Variants in CFAP36 observed in about 807,000 individuals in gnomAD.
The protein encoded by CFAP36 is cilia and flagella associated protein 36, also known as cilia- and flagella-associated protein 36.
CFAP36 carries 37 observed loss-of-function variants against 50.5 expected under a neutral mutation model. The observed-to-expected ratio is 0.73, with a 90% CI of 0.56 to 0.96. The LOEUF is 0.96. Among genes scored for constraint, CFAP36 ranks in the 50% least tolerant of loss-of-function variants. The pLI is 0.00. For synonymous variants in CFAP36, 138 were observed against 128.2 expected, an observed-to-expected ratio of 1.08 and a Z score of -0.52; for missense variants, 407 against 396.2, an observed-to-expected ratio of 1.03 and a Z score of -0.23.
chr2:55,528,430 T>TG (rs994954002), intron 3 of CFAP36, among the ~76,000 whole-genome samples: 7 of 151,992 alleles, frequency 4.6e-5, no homozygotes, highest in Non-Finnish European at 1.0e-4. Flanking sequence ...AGTCTTGCTC[T>TG]GTCACCCAGG....
In CFAP36 at chr2:55,529,253, C is replaced by T. The variant is rs543451896; in HGVS notation, c.397+261C>T. Among the ~76,000 whole-genome samples, 13 of 152,052 alleles carry T rather than the reference C, an allele frequency of 8.5e-5. No homozygotes were observed. The South Asian group carries it at 1.9e-3, about 22-fold the overall frequency. On this transcript the variant is annotated intron_variant, in intron 4 of 9. Transcript: ENST00000349456. ...CAGCTAACACAGTGAAACCCCGTCT[C>T]TACTAAAAATACAAAAAAATTAGCT...
Position 55,544,385 on chromosome 2 carries a change from A to C in CFAP36, c.927+16A>C, listed in dbSNP as rs774167318. On this transcript the variant is annotated intron_variant, in intron 9 of 9. Transcript: ENST00000349456. Reference sequence around the variant, plus strand: ...GGAGGTAGAGGTATGGCTAGCCTTAATATGTCAAGATTTACAAATCTGGTG... The same window carrying C: ...GGAGGTAGAGGTATGGCTAGCCTTACTATGTCAAGATTTACAAATCTGGTG... 6.3e-7 allele frequency: 1 copy of C among 1,584,810 alleles called. No individual in the cohort carries two copies. The highest frequency in any genetic ancestry group is 1.2e-5 in the South Asian group (1 of 85,610).
At chr2:55,527,988 G>C (rs1684253702) in intron 3 of CFAP36, among the ~76,000 whole-genome samples, 1 of 151,712 alleles carries the variant, frequency 6.6e-6, no homozygotes, top group Admixed American at 6.6e-5. Flanking sequence ...TGGGCAACAT[G>C]GTGAAACTCC....
At chr2:55,529,076 C>G (rs1022945970) in intron 4 of CFAP36, 84 bp downstream of exon 4, 4 of 883,734 alleles carry the variant, frequency 4.5e-6, no homozygotes, top group Non-Finnish European at 6.9e-6. Context: ...TTAAATGTAG[C>G]TGTCTCATGT....
chr2:55,529,599 C>A (rs1684301825), intron 4 of CFAP36, among the ~76,000 whole-genome samples: 1 of 150,706 alleles, frequency 6.6e-6, no homozygotes, highest in Non-Finnish European at 1.5e-5. Context: ...AGGTGTCCAT[C>A]CTTTTTCTGG....
chr2:55,531,900 TATTAGCAAGGGAGGA>T (rs1377297539), intron 4 of CFAP36, among the ~76,000 whole-genome samples: 2 of 152,218 alleles, frequency 1.3e-5, no homozygotes, highest in Non-Finnish European at 2.9e-5. Context: ...AGCTGGCTTC[TATTAGCAAGGGAGGA>T]GGAGGGGAAT....
intron 9 of CFAP36, 89 bp from the exon 10 acceptor site, chr2:55,544,818 C>T (rs1255093427): frequency 1.0e-5 from 8 of 776,946 alleles, no homozygotes; most frequent in East Asian, 2.7e-5. Flanking sequence ...AAGGTGCCCC[C>T]GATTTTTGTT....
chr2:55,543,277 G>A (rs1438224889), intron 7 of CFAP36, among the ~76,000 whole-genome samples: 1 of 152,072 alleles, frequency 6.6e-6, no homozygotes, highest in African/African-American at 2.4e-5. Context: ...AAATGGCTCA[G>A]AGGAGCAATT....
intron 7 of CFAP36, chr2:55,539,029 C>A: frequency 4.4e-6 from 4 of 914,640 alleles, no homozygotes; most frequent in Non-Finnish European, 5.9e-6. Flanking sequence ...CATATAGTCC[C>A]TGCCCTAGTA....
At chr2:55,520,384 G>C (rs1574609067) in intron 1 of CFAP36, 2 of 1,527,324 alleles carry the variant, frequency 1.3e-6, no homozygotes, top group Non-Finnish European at 1.8e-6. Context: ...AATGAGAAAT[G>C]ATTTCACTCC....
chr2:55,539,022 A>T, intron 7 of CFAP36: 1 of 1,000,260 alleles, frequency 1.0e-6, no homozygotes, highest in Non-Finnish European at 1.3e-6. Flanking sequence ...TTTCCCCCAT[A>T]TAGTCCCTGC....
intron 3 of CFAP36, among the ~76,000 whole-genome samples, chr2:55,528,344 T>A (rs1355350396): frequency 6.6e-6 from 1 of 152,026 alleles, no homozygotes; most frequent in Non-Finnish European, 1.5e-5. Context: ...TCTTTTTTTT[T>A]AAACAACTTT....
In CFAP36 at chr2:55,519,801, G is replaced by A; in HGVS notation, c.-1G>A. 3 of 1,614,226 alleles carry A rather than the reference G, an allele frequency of 1.9e-6. No homozygotes were observed. The highest frequency in any genetic ancestry group is 2.5e-6 in the Non-Finnish European group (3 of 1,180,024). On this transcript the variant is annotated 5_prime_UTR_variant, in exon 1 of 10. Coordinates refer to ENST00000349456, the MANE Select transcript of CFAP36 (RefSeq NM_080667.7). ...CTTCCCCGTTGCCCCTTTGGGGCGG[G>A]ATGGCTGCGGAAGAAGAAGACGAGG... is the stretch of plus-strand genomic sequence containing the variant.
At chr2:55,524,972 A>G (rs1204233017) in intron 3 of CFAP36, among the ~76,000 whole-genome samples, 1 of 151,054 alleles carries the variant, frequency 6.6e-6, no homozygotes, top group African/African-American at 2.4e-5. Flanking sequence ...CAAGAACAAA[A>G]CTGTCTAAAA....
At chr2:55,540,655 T>C (rs1190374441) in intron 7 of CFAP36, among the ~76,000 whole-genome samples, 1 of 152,202 alleles carries the variant, frequency 6.6e-6, no homozygotes, top group Non-Finnish European at 1.5e-5. Context: ...ATTGATATTG[T>C]ATTGAATCTG....
chr2:55,538,243 T>TA (rs1308524250), intron 7 of CFAP36, among the ~76,000 whole-genome samples: 1 of 151,584 alleles, frequency 6.6e-6, no homozygotes, highest in African/African-American at 2.4e-5. Context: ...TTTTCTCAAT[T>TA]AAAAAAATAT....
chr2:55,536,299 A>G (rs145896434), intron 6 of CFAP36, among the ~76,000 whole-genome samples: 3,726 of 151,240 alleles, frequency 0.025, 153 homozygotes, highest in African/African-American at 0.085. Flanking sequence ...CGCCTGGCTA[A>G]TTTTTGTATT....
At position 55,543,923 on chromosome 2, in the gene CFAP36, T is replaced by G. The variant is rs1684704899; in HGVS notation, c.641-15T>G. ...CATAATATTCTAATTGCTCTTATTG[T>G]CTACTTATTGCCAGAAGTTAAAATG... is the stretch of plus-strand genomic sequence containing the variant. On this transcript the variant is annotated splice_polypyrimidine_tract_variant and intron_variant, in intron 7 of 9. Transcript: ENST00000349456. The G allele has an allele frequency of 1.9e-6, 3 of 1,604,438 alleles. No homozygotes were observed. The highest frequency in any genetic ancestry group is 8.5e-7 in the Non-Finnish European group (1 of 1,172,958).
chr2:55,519,865 G>A lies in CFAP36; in HGVS notation c.64G>A (p.Gly22Ser), dbSNP rs191718325. 3 of 1,614,256 alleles carry A rather than the reference G, an allele frequency of 1.9e-6. No individual in the cohort carries two copies. Among genetic ancestry groups the A allele is most frequent in the African/African-American group, 2.7e-5 (2 of 75,070 alleles). The part of the protein sequence containing the change: ...VVESIAGFLR[G>S]PDWSIPILDF... ...GGAGAGCATCGCGGGGTTCCTGCGA[G>A]GCCCAGACTGGTCCATCCCCATCTT... The change falls in exon 1 of 10, where the codon GGC becomes AGC. Residue 22 changes from glycine to serine, a missense_variant. Gly to Ser is a moderately conservative substitution (Grantham distance 56). Transcript: ENST00000349456.
Sources: allele counts gnomAD v4.1 joint callset (sites outside exome capture counted in the v4.1 genomes callset), GRCh38; gene constraint gnomAD v4.1.1; transcripts MANE v1.5; gene names NCBI Gene and HGNC (gene_info 2026-07-23, HGNC 2026-07-21).